Variants in SMG6 observed in about 807,000 individuals in gnomAD.
SMG6 encodes SMG6 nonsense mediated mRNA decay factor, also known as telomerase-binding protein EST1A.
SMG6 carries 66 observed loss-of-function variants against 142.2 expected under a neutral mutation model. The observed-to-expected ratio is 0.46, with a 90% confidence interval of 0.38 to 0.57. The LOEUF is 0.57. Among genes scored for constraint, SMG6 ranks in the 20% least tolerant of loss-of-function variants. The pLI, the probability that SMG6 is intolerant of heterozygous loss-of-function variation, is 0.00. For missense variants in SMG6, 1,793 were observed against 1,832.0 expected (o/e 0.98, Z 0.39); for synonymous variants, 779 against 702.4 (o/e 1.11, Z -1.72).
chr17:2,092,423 C>A (rs2068751348), intron 13 of SMG6, among the ~76,000 whole-genome samples: 1 of 152,198 alleles, frequency 6.6e-6, no homozygotes, highest in Non-Finnish European at 1.5e-5. Flanking sequence ...TTAGAGGAGG[C>A]AATGAGGGCC....
intron 13 of SMG6, among the ~76,000 whole-genome samples, chr17:2,114,648 G>T (rs923996973): frequency 6.6e-6 from 1 of 152,064 alleles, no homozygotes; most frequent in Non-Finnish European, 1.5e-5. Context: ...GGGCACAGGG[G>T]CCAGGCGCGG....
chr17:2,247,450 T>C (rs1039782501), intron 8 of SMG6, among the ~76,000 whole-genome samples: 10 of 152,214 alleles, frequency 6.6e-5, no homozygotes, highest in African/African-American at 2.2e-4. Flanking sequence ...TATAAACTGG[T>C]TCTATTTATA....
intron 13 of SMG6, among the ~76,000 whole-genome samples, chr17:2,156,038 CTTT>C (rs113122170): frequency 7.6e-6 from 1 of 131,806 alleles, no homozygotes. Flanking sequence ...TTTTCTTTAC[CTTT>C]TTTTTTTTTT....
chr17:2,207,745 G>A (rs570799434), intron 10 of SMG6, among the ~76,000 whole-genome samples: 1 of 152,254 alleles, frequency 6.6e-6, no homozygotes, highest in African/African-American at 2.4e-5. Context: ...TATAAAGCAA[G>A]GGGATTTAAA....
In SMG6 at chr17:2,282,792, T is replaced by C; in HGVS notation, c.2516A>G (p.Lys839Arg). Residue 839 changes from lysine to arginine, a missense_variant, in exon 8 of 19, where the codon AAG becomes AGG. Physicochemically the swap from Lys to Arg is conservative, Grantham distance 26. This residue lies in a region of SMG6 where 1,597 missense variants were observed against 1,584.6 expected (regional missense o/e 1.01). Transcript: ENST00000263073. Reference sequence around the variant, plus strand: ...TCCAACATGCCGGAAAGTAGACTTCTTTCCTTTCCGCCACTGGTCAGGGCT... The same window carrying C: ...TCCAACATGCCGGAAAGTAGACTTCCTTCCTTTCCGCCACTGGTCAGGGCT... ...DLSPDQWRKGKKSTFRHVGDD... is the reference protein window; with the variant it reads ...DLSPDQWRKGRKSTFRHVGDD... The C allele has an allele frequency of 6.2e-7, 1 of 1,614,216 alleles. No homozygotes were observed. Among genetic ancestry groups the C allele is most frequent in the Non-Finnish European group, 8.5e-7 (1 of 1,180,032 alleles).
intron 18 of SMG6, among the ~76,000 whole-genome samples, chr17:2,064,026 G>A (rs2067863560): frequency 6.6e-6 from 1 of 152,126 alleles, no homozygotes; most frequent in African/African-American, 2.4e-5. Context: ...CTCGTAACCA[G>A]CCCCTAGTAA....
intron 8 of SMG6, among the ~76,000 whole-genome samples, chr17:2,263,613 C>T (rs2074362596): frequency 1.3e-5 from 2 of 152,026 alleles, no homozygotes; most frequent in Admixed American, 6.6e-5. Flanking sequence ...ACAGAGGGTA[C>T]AGATAGTATT....
intron 8 of SMG6, among the ~76,000 whole-genome samples, chr17:2,262,938 T>A (rs765428003): frequency 6.6e-6 from 1 of 151,716 alleles, no homozygotes; most frequent in Non-Finnish European, 1.5e-5. Context: ...AATGGGCAAG[T>A]GAAAAGAGAA....
rs2068531917 is a variant in SMG6 at position 2,085,402 on chromosome 17, A to C, written c.3534+323T>G. Among the ~76,000 whole-genome samples, 2 of 152,104 alleles carry C rather than the reference A, an allele frequency of 1.3e-5. No individual in the cohort carries two copies. Among genetic ancestry groups the C allele is most frequent in the Admixed American group, 1.3e-4 (2 of 15,276 alleles). On this transcript the variant is annotated intron_variant, in intron 14 of 18. Coordinates refer to ENST00000263073, the MANE Select transcript of SMG6 (RefSeq NM_017575.5). This position sits in a 1 kb window ranked among gnomAD's most constrained non-coding sequence, Gnocchi z 4.1. ...GCTGCATTGGGCTCCACACATCTAT[A>C]AACTTGATCCTGACCACCCCCCTCT... is the stretch of plus-strand genomic sequence containing the variant.
At chr17:2,102,528 A>ATTTTTTTTTTT (rs374584197) in intron 13 of SMG6, among the ~76,000 whole-genome samples, 1 of 81,612 alleles carries the variant, frequency 1.2e-5, no homozygotes, top group Non-Finnish European at 2.4e-5. Flanking sequence ...TGCTAATTTC[A>ATTTTTTTTTTT]TTTTTTTTTT....
chr17:2,207,400 A>G (rs540130854), intron 10 of SMG6, among the ~76,000 whole-genome samples: 37 of 152,332 alleles, frequency 2.4e-4, no homozygotes, highest in African/African-American at 8.4e-4. Flanking sequence ...TATCTAATGC[A>G]GTTGTTTAGT....
chr17:2,202,297 C>G (rs1339236785), intron 10 of SMG6, among the ~76,000 whole-genome samples: 1 of 152,232 alleles, frequency 6.6e-6, no homozygotes, highest in African/African-American at 2.4e-5. Flanking sequence ...ACCTGTAATC[C>G]TAGCACTTTG....
chr17:2,239,712 A>ACTG, intron 9 of SMG6, among the ~76,000 whole-genome samples: 1 of 152,322 alleles, frequency 6.6e-6, no homozygotes, highest in Admixed American at 6.5e-5. Context: ...TACAAAGAGC[A>ACTG]CTGTAAAGAA....
intron 10 of SMG6, among the ~76,000 whole-genome samples, chr17:2,192,692 CCAGT>C (rs2072201204): frequency 6.6e-6 from 1 of 152,164 alleles, no homozygotes; most frequent in Non-Finnish European, 1.5e-5. Flanking sequence ...GAGTCAGTTA[CCAGT>C]CAGACACAAG....
intron 10 of SMG6, among the ~76,000 whole-genome samples, chr17:2,228,940 A>C (rs559093592): frequency 9.2e-5 from 14 of 152,104 alleles, no homozygotes; most frequent in South Asian, 2.1e-4. Flanking sequence ...TATCAATGAC[A>C]TATCTACCTT....
chr17:2,236,736 CACACACACACA>C, intron 9 of SMG6, 99 bp from the exon 10 acceptor site: 1 of 1,307,666 alleles, frequency 7.6e-7, no homozygotes, highest in South Asian at 1.8e-5. Flanking sequence ...CACACACACA[CACACACACACA>C]CACACCAGAC....
intron 12 of SMG6, among the ~76,000 whole-genome samples, chr17:2,175,232 G>A (rs906315104): frequency 4.6e-5 from 7 of 152,202 alleles, no homozygotes; most frequent in African/African-American, 1.2e-4. Flanking sequence ...CAGGAAAGAC[G>A]ACAGTGAGAA....
chr17:2,154,447 G>GA (rs1169109758), intron 13 of SMG6, among the ~76,000 whole-genome samples: 1 of 152,130 alleles, frequency 6.6e-6, no homozygotes, highest in African/African-American at 2.4e-5. Flanking sequence ...ATTTATGTTG[G>GA]AAAAAAAGAA....
chr17:2,285,155 T>TC (rs2074876496), intron 6 of SMG6, among the ~76,000 whole-genome samples: 1 of 152,232 alleles, frequency 6.6e-6, no homozygotes, highest in Admixed American at 6.5e-5. Context: ...TCAACACATT[T>TC]TTTTTTTCAG....
Sources: gnomAD v4.1 joint callset for allele counts (sites outside exome capture counted in the v4.1 genomes callset) on GRCh38, gnomAD v4.1.1 for gene constraint, gnomAD v4.1.1 regional missense constraint, Gnocchi (gnomAD v3.1) non-coding constraint, MANE v1.5 for transcripts, NCBI Gene and HGNC (gene_info 2026-07-23, HGNC 2026-07-21) for gene names.